Variants in NFRKB observed in about 807,000 individuals in gnomAD.
The protein encoded by NFRKB is nuclear factor related to kappa-B-binding protein.
Under a neutral mutation model 135.7 loss-of-function variants are expected in NFRKB, and 62 were observed. That is an observed-to-expected ratio of 0.46 (90% CI 0.37 to 0.56). The LOEUF is 0.56. Among genes scored for constraint, NFRKB ranks in the 20% least tolerant of loss-of-function variants. The probability of loss-of-function intolerance (pLI) is 0.00; values close to 1 mark genes in which losing one functional copy is unlikely to be tolerated. For synonymous variants in NFRKB, 678 were observed against 635.6 expected, an observed-to-expected ratio of 1.07 and a Z score of -1.00; for missense variants, 1,545 against 1,662.0, an observed-to-expected ratio of 0.93 and a Z score of 1.22.
At chr11:129,888,279 T>C in intron 4 of NFRKB, 1 of 591,860 alleles carries the variant, frequency 1.7e-6, no homozygotes, top group Non-Finnish European at 3.0e-6. Context: ...AAGCTCTTTT[T>C]AAAATTTTTT....
intron 25 of NFRKB, among the ~76,000 whole-genome samples, chr11:129,865,388 C>T (rs1193566384): frequency 1.3e-5 from 2 of 152,212 alleles, no homozygotes; most frequent in Non-Finnish European, 2.9e-5. Context: ...GAGAGGTGTG[C>T]ACTTCTGCAA....
rs774709632 is a variant in NFRKB at position 129,881,488 on chromosome 11, G to C, written c.1339C>G (p.Pro447Ala). Residue 447 changes from proline to alanine, a missense_variant, in exon 13 of 27, where the codon CCA (proline) becomes GCA (alanine). Around this residue, in one of 3 missense-constraint regions of NFRKB, gnomAD observed 678 missense variants for 646.7 expected, o/e 1.05. Transcript: ENST00000682444. ...GTTTTCTCTTTGAATTCAACAAATG[G>C]AGAGAAACTGGAAGGAACAGCTGCA... Reference protein sequence around the residue: ...ESRAVPSSFSPFVEFKEKTQQ... With the variant: ...ESRAVPSSFSAFVEFKEKTQQ... The C allele has an allele frequency of 2.5e-6, 4 of 1,614,000 alleles. No homozygotes were observed. The highest frequency in any genetic ancestry group is 2.2e-5 in the East Asian group (1 of 44,890).
chr11:129,881,629 A>C (rs1275746484), intron 12 of NFRKB, 98 bp downstream of exon 12: 1 of 1,578,906 alleles, frequency 6.3e-7, no homozygotes, highest in East Asian at 2.3e-5. Context: ...CATTATGCAA[A>C]GGCATGATGG....
intron 11 of NFRKB, 66 bp from the exon 12 acceptor site, chr11:129,881,919 C>A: frequency 6.5e-7 from 1 of 1,541,258 alleles, no homozygotes; most frequent in Non-Finnish European, 8.7e-7. Flanking sequence ...CACACAAGTG[C>A]CACCACAACC....
In NFRKB at chr11:129,869,755, G is replaced by A. The variant is rs2229652; in HGVS notation, c.3270C>T (p.Ile1090=). 47 of 1,614,258 alleles carry A rather than the reference G, an allele frequency of 2.9e-5. No homozygotes were observed. Among genetic ancestry groups the A allele is most frequent in the South Asian group, 2.7e-4 (25 of 91,090 alleles). Reference sequence around the variant, plus strand: ...GAGGCATCACTCCCAGTCCCTGCACGATGCGGATCGTGGCAGCTGGTTTTG... The same window carrying A: ...GAGGCATCACTCCCAGTCCCTGCACAATGCGGATCGTGGCAGCTGGTTTTG... ...SEAKPAATIR[I]VQGLGVMPPK... is the part of the protein sequence containing the mutation. Residue 1090 remains isoleucine, a synonymous_variant, in exon 24 of 27, where the codon ATC becomes ATT. Transcript: ENST00000682444.
At chr11:129,889,109 G>C (rs759103637) in intron 3 of NFRKB, among the ~76,000 whole-genome samples, 1 of 151,792 alleles carries the variant, frequency 6.6e-6, no homozygotes, top group Admixed American at 6.6e-5. Context: ...TTACAGGTGC[G>C]CACCACCACG....
chr11:129,877,284 C>T, intron 16 of NFRKB, 41 bp downstream of exon 16: 1 of 1,586,854 alleles, frequency 6.3e-7, no homozygotes, highest in Non-Finnish European at 8.7e-7. Flanking sequence ...CTCTGCATGG[C>T]TCACAGAGGC....
chr11:129,885,407 G>C (rs755372956), intron 6 of NFRKB, 28 bp downstream of exon 6: 6 of 1,582,602 alleles, frequency 3.8e-6, no homozygotes, highest in Non-Finnish European at 5.2e-6. Flanking sequence ...CAATACCCCA[G>C]CTACCCCAAG....
intron 4 of NFRKB, 137 bp downstream of exon 4, chr11:129,888,457 T>C (rs1374571772): frequency 5.7e-6 from 5 of 883,128 alleles, no homozygotes; most frequent in Non-Finnish European, 9.3e-6. Flanking sequence ...AGCAAAGTGT[T>C]ACACAAAACC....
In NFRKB at chr11:129,878,835, G is replaced by T. The variant is rs192940297; in HGVS notation, c.1385-292C>A. ...GTGAATTCAGTCCCCACCCTCATGG[G>T]AGTTTATAGTCAAGTGAGGAAAGAG... On this transcript the variant is annotated intron_variant, in intron 13 of 26. Transcript: ENST00000682444. Among the ~76,000 whole-genome samples the T allele has an allele frequency of 1.8e-4, 27 of 152,344 alleles. No individual in the cohort carries two copies. The South Asian group carries it at 2.3e-3, about 13-fold the overall frequency.
intron 5 of NFRKB, among the ~76,000 whole-genome samples, chr11:129,886,088 T>C (rs1949263838): frequency 6.6e-6 from 1 of 152,240 alleles, no homozygotes; most frequent in Non-Finnish European, 1.5e-5. Flanking sequence ...CTGAAGCTAC[T>C]ATAATTTCAT....
At chr11:129,873,579 C>T (rs1314956545) in intron 22 of NFRKB, among the ~76,000 whole-genome samples, 166 bp downstream of exon 22, 2 of 152,178 alleles carry the variant, frequency 1.3e-5, no homozygotes, top group East Asian at 1.9e-4. Flanking sequence ...TATCTAAAAA[C>T]GCTTACACAG....
At chr11:129,889,630 T>C (rs1471788887) in intron 3 of NFRKB, among the ~76,000 whole-genome samples, 3 of 83,932 alleles carry the variant, frequency 3.6e-5, no homozygotes, top group Middle Eastern at 7.5e-3. Context: ...CAATTAAACA[T>C]GCAGTTACAA....
chr11:129,885,409 T>C, intron 6 of NFRKB, 26 bp downstream of exon 6: 1 of 1,584,110 alleles, frequency 6.3e-7, no homozygotes, highest in Non-Finnish European at 8.6e-7. Context: ...ATACCCCAGC[T>C]ACCCCAAGTG....
intron 13 of NFRKB, 95 bp from the exon 14 acceptor site, chr11:129,878,638 A>G: frequency 9.9e-7 from 1 of 1,010,712 alleles, no homozygotes. Flanking sequence ...CAACACAGAG[A>G]GATTCTATCA....
At position 129,870,261 on chromosome 11, in the gene NFRKB, C is replaced by A. The variant is rs773487766; in HGVS notation, c.2764G>T (p.Val922Leu). The change falls in exon 24 of 27, where the codon GTG becomes TTG. Residue 922 changes from valine to leucine, a missense_variant and splice_region_variant. Physicochemically the swap from Val to Leu is conservative, Grantham distance 32. This residue lies in a region of NFRKB where 753 missense variants were observed against 804.3 expected (regional missense o/e 0.94). Coordinates refer to ENST00000682444, the MANE Select transcript of NFRKB (RefSeq NM_001143835.2). ...NVTGQNIIKQVAITGQLGVKP... is the reference protein window; with the variant it reads ...NVTGQNIIKQLAITGQLGVKP... The stretch of plus-strand genomic sequence containing the variant: ...ACACCAAGCTGCCCAGTGATTGCCA[C>A]CTGAATGGGGAGAAGCAGCACTGAT... The A allele has an allele frequency of 1.2e-6, 2 of 1,611,178 alleles. No individual in the cohort carries two copies. Among genetic ancestry groups the A allele is most frequent in the Non-Finnish European group, 1.7e-6 (2 of 1,177,738 alleles).
intron 25 of NFRKB, among the ~76,000 whole-genome samples, 183 bp downstream of exon 25, chr11:129,865,694 A>G (rs771432499): frequency 1.3e-5 from 2 of 152,154 alleles, no homozygotes; most frequent in Non-Finnish European, 2.9e-5. Flanking sequence ...ATCTGTTTTA[A>G]TCACTGCACC....
At position 129,869,696 on chromosome 11, in the gene NFRKB, T is replaced by G; in HGVS notation, c.3329A>C (p.His1110Pro). The stretch of plus-strand genomic sequence containing the variant: ...GGCCACCGAGGCCCCTTGCTTGGCG[T>G]GGGTTGCAACGGTGATGGTCTGGCC... ...KAGQTITVATHAKQGASVASG... is the reference protein window; with the variant it reads ...KAGQTITVATPAKQGASVASG... Residue 1110 changes from histidine to proline, a missense_variant, in exon 24 of 27, where the codon CAC becomes CCC. His to Pro is a moderately conservative substitution (Grantham distance 77). This residue lies in a region of NFRKB where 753 missense variants were observed against 804.3 expected (regional missense o/e 0.94). Transcript: ENST00000682444. The G allele has an allele frequency of 6.2e-7, 1 of 1,614,106 alleles. No individual in the cohort carries two copies. Among genetic ancestry groups the G allele is most frequent in the Non-Finnish European group, 8.5e-7 (1 of 1,180,002 alleles).
chr11:129,874,678 C>T lies in NFRKB; in HGVS notation c.1979-98G>A. 1 of 1,601,850 alleles carries T rather than the reference C, an allele frequency of 6.2e-7. No homozygotes were observed. On this transcript the variant is annotated intron_variant, in intron 19 of 26. Transcript: ENST00000682444. This position sits in a 1 kb window ranked among gnomAD's most constrained non-coding sequence, Gnocchi z 4.5. ...CCAACACCTTGCCAGTGGACTGAAT[C>T]CTGCCTCTACCATCTTGTCCTACCT... is the stretch of plus-strand genomic sequence containing the variant.
Sources: allele counts gnomAD v4.1 joint callset (sites outside exome capture counted in the v4.1 genomes callset), GRCh38; gene constraint gnomAD v4.1.1; regional missense constraint gnomAD v4.1.1; non-coding constraint Gnocchi (gnomAD v3.1); transcripts MANE v1.5; gene names NCBI Gene and HGNC (gene_info 2026-07-23, HGNC 2026-07-21).